MLIP: variants seen among roughly 807,000 people sequenced by gnomAD.
MLIP encodes muscular LMNA-interacting protein.
MLIP carries 79 observed loss-of-function variants against 84.8 expected under a neutral mutation model. The ratio of observed to expected loss-of-function variants is 0.93; its 90% confidence interval spans 0.78 to 1.12. The LOEUF is 1.12. Among genes scored for constraint, MLIP ranks in the 50% most tolerant of loss-of-function variants. The pLI, the probability that MLIP is intolerant of heterozygous loss-of-function variation, is 0.00. For missense variants in MLIP, 1,257 were observed against 1,160.6 expected (o/e 1.08, Z -1.21); for synonymous variants, 504 against 463.0 (o/e 1.09, Z -1.14).
At chr6:54,186,907 C>T (rs181764482) in intron 9 of MLIP, among the ~76,000 whole-genome samples, 15 of 152,134 alleles carry the variant, frequency 9.9e-5, no homozygotes, top group African/African-American at 2.2e-4. Flanking sequence ...TGCCAGGACC[C>T]GAGAGCTTAG....
chr6:54,206,258 T>C (rs113580439), intron 11 of MLIP, among the ~76,000 whole-genome samples: 1 of 152,128 alleles, frequency 6.6e-6, no homozygotes, highest in Non-Finnish European at 1.5e-5. Context: ...TTACATAAAG[T>C]GTTATGTAAA....
At chr6:54,156,567 A>G (rs986858744) in intron 5 of MLIP, among the ~76,000 whole-genome samples, 1 of 152,152 alleles carries the variant, frequency 6.6e-6, no homozygotes, top group Non-Finnish European at 1.5e-5. Flanking sequence ...TTGATGGTAA[A>G]CAAATTTAAC....
intron 12 of MLIP, among the ~76,000 whole-genome samples, chr6:54,239,356 C>A (rs1781570640): frequency 7.1e-6 from 1 of 140,602 alleles, no homozygotes; most frequent in Non-Finnish European, 1.5e-5. Context: ...GCCATTTAAA[C>A]ATATATATAT....
At chr6:54,046,513 A>C (rs1467563142) in intron 1 of MLIP, 1 of 152,182 alleles carries the variant, frequency 6.6e-6, no homozygotes, top group East Asian at 1.9e-4. Context: ...GGTATTTTCT[A>C]CCTTTAAACA....
chr6:54,146,040 A>G (rs1772796060), intron 4 of MLIP, among the ~76,000 whole-genome samples: 1 of 152,188 alleles, frequency 6.6e-6, no homozygotes, highest in East Asian at 1.9e-4. Context: ...CTAATCAGAT[A>G]AAACTTGATA....
intron 1 of MLIP, among the ~76,000 whole-genome samples, chr6:54,105,695 T>C (rs1173487570): frequency 1.3e-5 from 2 of 152,026 alleles, no homozygotes; most frequent in Non-Finnish European, 2.9e-5. Context: ...GGGATTGCAA[T>C]TTTATATAAG....
chr6:54,074,506 A>G (rs1210428984), intron 1 of MLIP, among the ~76,000 whole-genome samples: 2 of 152,232 alleles, frequency 1.3e-5, no homozygotes, highest in African/African-American at 4.8e-5. Flanking sequence ...TGAAAGATCA[A>G]TAACTTTGAT....
At position 54,111,499 on chromosome 6, in the gene MLIP, T is replaced by G. The variant is rs1443497917; in HGVS notation, c.20T>G (p.Leu7Arg). Reference protein sequence around the residue: MLSEQGLLSDCGNNYFQ... With the variant: MLSEQGRLSDCGNNYFQ... ...GAATCAATGCTTTCAGAACAGGGGC[T>G]TCTGAGTGACTGCGGGAACAATTAC... The change falls in exon 1 of 14, where the codon CTT becomes CGT. Residue 7 changes from leucine (L) to arginine (R), a missense_variant. Transcript: ENST00000502396. 6.5e-6 allele frequency: 10 copies of G among 1,535,950 alleles called. No individual in the cohort carries two copies. The highest frequency in any genetic ancestry group is 7.8e-6 in the Non-Finnish European group (9 of 1,146,876).
intron 5 of MLIP, among the ~76,000 whole-genome samples, chr6:54,152,866 G>A (rs1441843974): frequency 1.8e-5 from 2 of 113,966 alleles, no homozygotes; most frequent in African/African-American, 9.5e-5. Flanking sequence ...TAAAGGAGGA[G>A]AGAATGAAGA....
intron 1 of MLIP, among the ~76,000 whole-genome samples, chr6:54,042,540 G>T (rs185634272): frequency 6.6e-6 from 1 of 152,218 alleles, no homozygotes; most frequent in Admixed American, 6.5e-5. Context: ...TCACCAGAAA[G>T]TCACAGTCTA....
At chr6:54,190,140 C>T (rs1777773958) in intron 10 of MLIP, among the ~76,000 whole-genome samples, 1 of 152,058 alleles carries the variant, frequency 6.6e-6, no homozygotes, top group Non-Finnish European at 1.5e-5. Flanking sequence ...AACTTACATC[C>T]AAGTAGAGGC....
chr6:54,252,623 A>T (rs1038254566), intron 12 of MLIP, among the ~76,000 whole-genome samples: 1 of 150,716 alleles, frequency 6.6e-6, no homozygotes, highest in African/African-American at 2.4e-5. Context: ...GTAACCTCTG[A>T]CCTCTGGCCT....
rs1326945874 is a variant in MLIP, at chr6:54,079,700, C to T, written c.64-41747C>T. The T allele has an allele frequency of 2.6e-5, 4 of 152,124 alleles. No individual in the cohort carries two copies. The East Asian group carries it at 7.7e-4, about 29-fold the overall frequency. 9.4% of individuals were successfully genotyped at this position (152,124 alleles called of 1,614,324 possible). The stretch of plus-strand genomic sequence containing the variant: ...ATAAATGAGCTTGATTCCTTTCCCC[C>T]CACCATATTGTGGGAGTCCATGGCT... On this transcript the variant is annotated intron_variant, in intron 1 of 12. Transcript: ENST00000274897.
intron 1 of MLIP, among the ~76,000 whole-genome samples, chr6:54,024,352 A>C (rs1763678687): frequency 6.6e-6 from 1 of 152,238 alleles, no homozygotes; most frequent in South Asian, 2.1e-4. Flanking sequence ...ATACAAATAA[A>C]ATTAATTACT....
chr6:54,232,942 A>T lies in MLIP; in HGVS notation c.2922+2025A>T, dbSNP rs115048445. On this transcript the variant is annotated intron_variant, in intron 12 of 13. Coordinates refer to ENST00000502396, the MANE Select transcript of MLIP (RefSeq NM_001281747.2). The stretch of plus-strand genomic sequence containing the variant: ...AACAGGTTGTATTCTTCTTCTGCTG[A>T]GTCTGCAGTGTGCACTCTTCTCTTC... Among the ~76,000 whole-genome samples, 1,249 of 152,244 alleles carry T rather than the reference A, an allele frequency of 8.2e-3. 18 individuals carry two copies. The highest frequency in any genetic ancestry group is 0.028 in the African/African-American group (1,170 of 41,538).
chr6:54,025,303 A>G (rs1416820489), intron 1 of MLIP, among the ~76,000 whole-genome samples: 1 of 152,210 alleles, frequency 6.6e-6, no homozygotes, highest in Non-Finnish European at 1.5e-5. Flanking sequence ...CTGATGTGTT[A>G]TCTAGATATT....
At chr6:54,117,362 C>G (rs1026990489) in intron 1 of MLIP, among the ~76,000 whole-genome samples, 1 of 151,466 alleles carries the variant, frequency 6.6e-6, no homozygotes. Context: ...CTACAGGCAC[C>G]CGCCACGACG....
intron 1 of MLIP, among the ~76,000 whole-genome samples, chr6:54,098,339 T>TC (rs1415601601): frequency 6.9e-6 from 1 of 145,732 alleles, no homozygotes; most frequent in Non-Finnish European, 1.5e-5. Flanking sequence ...TCTTTTTTTT[T>TC]TTTTTTTTGT....
intron 3 of MLIP, 25 bp downstream of exon 3, chr6:54,124,890 A>C (rs751480432): frequency 6.5e-7 from 1 of 1,530,898 alleles, no homozygotes; most frequent in South Asian, 1.3e-5. Context: ...CCTGCTGTCC[A>C]TAAGGAAAAA....
Sources: gnomAD v4.1 joint callset for allele counts (sites outside exome capture counted in the v4.1 genomes callset) on GRCh38, gnomAD v4.1.1 for gene constraint, MANE v1.5 for transcripts, NCBI Gene and HGNC (gene_info 2026-07-23, HGNC 2026-07-21) for gene names.